Variants in NKAIN1 observed in about 807,000 individuals in gnomAD.
NKAIN1 encodes the protein sodium/potassium transporting ATPase interacting 1.
A neutral mutation model predicts 31.6 loss-of-function variants in NKAIN1; 13 were observed. That is an observed-to-expected ratio of 0.41 (90% CI 0.27 to 0.65). The LOEUF is 0.65. NKAIN1 is among the 30% of genes least tolerant of loss of function. NKAIN1 has a pLI of 0.30. For missense variants in NKAIN1, 193 were observed against 262.2 expected (o/e 0.74, Z 1.82); for synonymous variants, 104 against 109.0 (o/e 0.95, Z 0.28).
chr1:31,205,570 G>A (rs536545062), intron 1 of NKAIN1, among the ~76,000 whole-genome samples: 2 of 150,524 alleles, frequency 1.3e-5, no homozygotes, highest in African/African-American at 2.4e-5. Flanking sequence ...GTCTCCCAAA[G>A]TGCTGGGATT....
intron 1 of NKAIN1, among the ~76,000 whole-genome samples, chr1:31,226,819 C>T (rs1645611547): frequency 1.3e-5 from 2 of 152,024 alleles, no homozygotes; most frequent in African/African-American, 2.4e-5. Flanking sequence ...CCACCGCACC[C>T]GGCCAGAAAA....
intron 1 of NKAIN1, among the ~76,000 whole-genome samples, chr1:31,217,160 C>T (rs564002850): frequency 2.6e-5 from 4 of 152,098 alleles, no homozygotes; most frequent in East Asian, 1.9e-4. Context: ...GCCACCGTGC[C>T]GCGGCATTGA....
rs774646475 is a variant in NKAIN1, at chr1:31,183,895, A to G, written c.393T>C (p.His131=). Residue 131 remains histidine, a synonymous_variant, in exon 4 of 7, where the codon CAT becomes CAC. Transcript: ENST00000373736. The stretch of plus-strand genomic sequence containing the variant: ...GCAGGCAGCCAGTGACAGAGATGAC[A>G]TGGTGGTCCTCCAGAGCCAGGCGGG... The part of the protein sequence containing the change: ...LNSRLALEDH[H]VISVTGCLLD... 6 of 1,614,118 alleles carry G rather than the reference A, an allele frequency of 3.7e-6. No homozygotes were observed. The highest frequency in any genetic ancestry group is 3.4e-6 in the Non-Finnish European group (4 of 1,180,026).
chr1:31,216,331 A>G (rs1645512000), intron 1 of NKAIN1, among the ~76,000 whole-genome samples: 1 of 152,168 alleles, frequency 6.6e-6, no homozygotes, highest in African/African-American at 2.4e-5. Flanking sequence ...TGCTCTTCAC[A>G]GGTGGCATTT....
intron 1 of NKAIN1, among the ~76,000 whole-genome samples, chr1:31,217,261 C>T (rs565114735): frequency 6.6e-6 from 1 of 151,546 alleles, no homozygotes; most frequent in Non-Finnish European, 1.5e-5. Context: ...AACTCCTGGA[C>T]TCAAGTGATT....
chr1:31,211,207 A>G (rs1036923254), intron 1 of NKAIN1, among the ~76,000 whole-genome samples: 3 of 152,262 alleles, frequency 2.0e-5, no homozygotes, highest in African/African-American at 7.2e-5. Flanking sequence ...GGAAAAGAAG[A>G]AGTAAAACTA....
chr1:31,197,419 T>C (rs1309679115), intron 1 of NKAIN1, among the ~76,000 whole-genome samples: 1 of 152,118 alleles, frequency 6.6e-6, no homozygotes, highest in Non-Finnish European at 1.5e-5. Context: ...CCTAATTTTT[T>C]GTATTTTTAG....
chr1:31,234,763 A>G (rs571012949), intron 1 of NKAIN1, among the ~76,000 whole-genome samples: 1 of 152,278 alleles, frequency 6.6e-6, no homozygotes, highest in African/African-American at 2.4e-5. Context: ...TTTTCAGATG[A>G]GGAAACGCAG....
chr1:31,198,411 T>C (rs1645347737), intron 1 of NKAIN1, among the ~76,000 whole-genome samples: 1 of 152,156 alleles, frequency 6.6e-6, no homozygotes. Flanking sequence ...ACCTGGTCCA[T>C]GTCCAGTGTT....
At chr1:31,204,505 C>T (rs1245604431) in intron 1 of NKAIN1, among the ~76,000 whole-genome samples, 1 of 152,132 alleles carries the variant, frequency 6.6e-6, no homozygotes, top group Non-Finnish European at 1.5e-5. Context: ...GATGCCGGGA[C>T]CCCGGCAAGC....
At chr1:31,226,697 T>C (rs1557662556) in intron 1 of NKAIN1, among the ~76,000 whole-genome samples, 1 of 151,080 alleles carries the variant, frequency 6.6e-6, no homozygotes, top group Admixed American at 6.6e-5. Context: ...GCTAATTTTG[T>C]ATATTTAGTA....
intron 1 of NKAIN1, among the ~76,000 whole-genome samples, chr1:31,209,416 G>A (rs141538005): frequency 1.0e-3 from 159 of 152,164 alleles, no homozygotes; most frequent in African/African-American, 3.7e-3. Context: ...CAGCAGCCCA[G>A]CAGAGTGCAG....
chr1:31,228,114 G>A lies in NKAIN1; in HGVS notation c.54+11380C>T, dbSNP rs553948722. Among the ~76,000 whole-genome samples, 3 of 152,176 alleles carry A rather than the reference G, an allele frequency of 2.0e-5. No homozygotes were observed. In the South Asian group the frequency reaches 6.2e-4, roughly 32 times the overall value. ...GAGCGCGCTGAGTAGTATAAACAGA[G>A]GCTGCAGTAGATTACACGCCTATTA... is the stretch of plus-strand genomic sequence containing the variant. On this transcript the variant is annotated intron_variant, in intron 1 of 6. Coordinates refer to ENST00000373736, the MANE Select transcript of NKAIN1 (RefSeq NM_024522.3).
chr1:31,202,474 G>C (rs548062377), intron 1 of NKAIN1, among the ~76,000 whole-genome samples: 1 of 151,712 alleles, frequency 6.6e-6, no homozygotes, highest in Non-Finnish European at 1.5e-5. Context: ...TCAGGAGATC[G>C]AGACCATCCT....
chr1:31,220,996 T>A (rs185213148), intron 1 of NKAIN1, among the ~76,000 whole-genome samples: 1 of 152,180 alleles, frequency 6.6e-6, no homozygotes, highest in Non-Finnish European at 1.5e-5. Flanking sequence ...TAGAGCAGAA[T>A]TACAACAGCA....
chr1:31,206,309 G>C (rs1013776308), intron 1 of NKAIN1, among the ~76,000 whole-genome samples: 5 of 148,510 alleles, frequency 3.4e-5, no homozygotes, highest in Middle Eastern at 3.3e-3. Flanking sequence ...TTTTAAAAAA[G>C]AAGCCAATAA....
At chr1:31,213,901 T>C (rs1645489380) in intron 1 of NKAIN1, among the ~76,000 whole-genome samples, 1 of 151,614 alleles carries the variant, frequency 6.6e-6, no homozygotes, top group Admixed American at 6.6e-5. Context: ...GGCTGAGGCA[T>C]GGGGATTGCT....
At chr1:31,189,869 G>C (rs1050218807) in intron 1 of NKAIN1, among the ~76,000 whole-genome samples, 3 of 152,212 alleles carry the variant, frequency 2.0e-5, no homozygotes. Flanking sequence ...GCTTGGAGCT[G>C]TTGGTGGCTG....
At position 31,214,017 on chromosome 1, in the gene NKAIN1, AATTAATT is replaced by A. The variant is rs1557658632; in HGVS notation, c.54+25470_54+25476del. Among the ~76,000 whole-genome samples, 24 of 146,562 alleles carry A rather than the reference AATTAATT, an allele frequency of 1.6e-4. No homozygotes were observed. In the South Asian group the frequency reaches 3.8e-3, roughly 23 times the overall value. ...TCAAAAAAAGAATAAAATAAAAATT[AATTAATT>A]AATTAATTAATTAATTAAACAAAAT... is the stretch of plus-strand genomic sequence containing the variant. On this transcript the variant is annotated intron_variant, in intron 1 of 6. Transcript: ENST00000373736.
Sources: gnomAD v4.1 joint callset for allele counts (sites outside exome capture counted in the v4.1 genomes callset) on GRCh38, gnomAD v4.1.1 for gene constraint, MANE v1.5 for transcripts, NCBI Gene and HGNC (gene_info 2026-07-23, HGNC 2026-07-21) for gene names.